XRCC6: variants seen among roughly 807,000 people sequenced by gnomAD.
The protein encoded by XRCC6 is DNA repair protein Ku70.
In XRCC6, 5 loss-of-function variants were observed where a neutral mutation model predicts 65.7. The ratio of observed to expected loss-of-function variants is 0.08; its 90% confidence interval spans 0.04 to 0.16. The LOEUF (loss-of-function observed/expected upper bound fraction) is 0.16, where lower values mean the gene tolerates loss of function less well. XRCC6 is among the 10% of genes least tolerant of loss of function. XRCC6 has a pLI of 1.00. For synonymous variants in XRCC6, 270 were observed against 270.6 expected (o/e 1.00, Z 0.02); for missense variants, 447 against 738.1 (o/e 0.61, Z 4.57).
chr22:41,623,483 G>T (rs1353107970), intron 2 of XRCC6, among the ~76,000 whole-genome samples: 1 of 151,860 alleles, frequency 6.6e-6, no homozygotes, highest in Non-Finnish European at 1.5e-5. Context: ...CGCCTCCCGG[G>T]TTCATGCCAT....
At chr22:41,652,331 G>A (rs1348192596) in intron 8 of XRCC6, among the ~76,000 whole-genome samples, 5 of 151,292 alleles carry the variant, frequency 3.3e-5, no homozygotes, top group African/African-American at 1.2e-4. Context: ...CATTAACCTA[G>A]TGTCAGTAAA....
intron 7 of XRCC6, among the ~76,000 whole-genome samples, chr22:41,649,162 A>ATATATATATATG (rs1395474507): frequency 7.3e-6 from 1 of 137,750 alleles, no homozygotes; most frequent in Non-Finnish European, 1.5e-5. Context: ...ATATATATAT[A>ATATATATATATG]TGTATGTATG....
Position 41,657,600 on chromosome 22 carries a change from C to T in XRCC6, c.1421+568C>T, listed in dbSNP as rs368164068. Among the ~76,000 whole-genome samples the T allele has an allele frequency of 1.2e-3, 184 of 151,530 alleles. 1 individual carries two copies. Among genetic ancestry groups the T allele is most frequent in the African/African-American group, 4.2e-3 (174 of 41,306 alleles). The stretch of plus-strand genomic sequence containing the variant: ...GTGGTGTTACTGTAGTTCACTGCAG[C>T]CTTGACCTCCCTGGGCTCAGGTGAT... On this transcript the variant is annotated intron_variant, in intron 10 of 12. Coordinates refer to ENST00000360079, the MANE Select transcript of XRCC6 (RefSeq NM_001469.5).
rs189941715 is a variant in XRCC6, at chr22:41,649,781, G to C, written c.961-942G>C. ...GAGGCAGGAGAATGGCGTGAACCCC[G>C]GTGGGTGGAGCCTGCAGTGAGCCGA... On this transcript the variant is annotated intron_variant, in intron 7 of 12. Coordinates refer to ENST00000360079, the MANE Select transcript of XRCC6 (RefSeq NM_001469.5). Among the ~76,000 whole-genome samples, 481 of 151,792 alleles carry C rather than the reference G, an allele frequency of 3.2e-3. 3 individuals carry two copies. The highest frequency in any genetic ancestry group is 0.024 in the Middle Eastern group (7 of 292).
chr22:41,622,452 A>G (rs1308555536), intron 2 of XRCC6, among the ~76,000 whole-genome samples: 2 of 152,132 alleles, frequency 1.3e-5, no homozygotes, highest in African/African-American at 4.8e-5. Context: ...CAATAACTAC[A>G]CCAACCAAAG....
chr22:41,640,694 G>T (rs1418852038), intron 6 of XRCC6, among the ~76,000 whole-genome samples: 1 of 152,148 alleles, frequency 6.6e-6, no homozygotes, highest in Non-Finnish European at 1.5e-5. Flanking sequence ...TTTTGTCATT[G>T]TTCTCCTTTT....
chr22:41,636,824 T>C (rs2147083704), intron 5 of XRCC6, 54 bp downstream of exon 5: 2 of 1,562,610 alleles, frequency 1.3e-6, no homozygotes, highest in Non-Finnish European at 1.7e-6. Context: ...GTTTTTTTAT[T>C]TTTTATTTTT....
chr22:41,653,808 CT>C, intron 9 of XRCC6, 118 bp downstream of exon 9: 3 of 1,293,122 alleles, frequency 2.3e-6, no homozygotes, highest in Non-Finnish European at 3.1e-6. Context: ...TTAAAAATGT[CT>C]ATTTTTAAGC....
chr22:41,629,644 TTG>T (rs965085806), intron 3 of XRCC6, among the ~76,000 whole-genome samples: 2 of 151,722 alleles, frequency 1.3e-5, no homozygotes. Context: ...TTGTGAATGT[TTG>T]TGTGTGTATT....
In XRCC6 at chr22:41,661,407, T is replaced by C. The variant is rs747262456; in HGVS notation, c.1599T>C (p.Asp533=). ...DEFKELVYPP[D]YNPEGKVTKR... is the part of the protein sequence containing the mutation. ...TTAAGGAGCTTGTTTACCCACCAGA[T>C]TACAATCCTGAAGGGAAAGTTACCA... Residue 533 remains aspartate, a synonymous_variant, in exon 12 of 13, where the codon GAT becomes GAC. Transcript: ENST00000360079. 6.2e-7 allele frequency: 1 copy of C among 1,614,124 alleles called. No individual in the cohort carries two copies. The highest frequency in any genetic ancestry group is 1.1e-5 in the South Asian group (1 of 91,070).
At chr22:41,655,585 C>T (rs891117538) in intron 9 of XRCC6, among the ~76,000 whole-genome samples, 3 of 151,922 alleles carry the variant, frequency 2.0e-5, no homozygotes, top group South Asian at 4.2e-4. Flanking sequence ...TCCTGTAGTC[C>T]CAGCTACTTG....
intron 6 of XRCC6, among the ~76,000 whole-genome samples, chr22:41,645,971 G>T (rs189240028): frequency 3.1e-4 from 47 of 151,916 alleles, no homozygotes; most frequent in East Asian, 1.6e-3. Flanking sequence ...CGGCATGATG[G>T]GTCTTTATTC....
intron 7 of XRCC6, among the ~76,000 whole-genome samples, chr22:41,649,974 C>G (rs1437889124): frequency 1.3e-5 from 2 of 152,020 alleles, no homozygotes; most frequent in African/African-American, 2.4e-5. Context: ...TGCCGTGAGT[C>G]GAGATTGCGC....
At chr22:41,645,151 A>G (rs1000706370) in intron 6 of XRCC6, among the ~76,000 whole-genome samples, 2 of 151,800 alleles carry the variant, frequency 1.3e-5, no homozygotes, top group Admixed American at 1.3e-4. Context: ...AAAATACAAA[A>G]TTAGCCTGGT....
chr22:41,658,668 C>T (rs532106244), intron 11 of XRCC6, among the ~76,000 whole-genome samples: 25 of 152,350 alleles, frequency 1.6e-4, no homozygotes, highest in African/African-American at 5.8e-4. Context: ...GTAATCCCAG[C>T]ACTTTGGGAG....
chr22:41,650,003 G>A (rs888483008), intron 7 of XRCC6, among the ~76,000 whole-genome samples: 17 of 152,112 alleles, frequency 1.1e-4, no homozygotes, highest in African/African-American at 4.1e-4. Context: ...GCCAGTGACA[G>A]TGTGACAGAC....
intron 3 of XRCC6, among the ~76,000 whole-genome samples, chr22:41,635,289 A>G (rs2067797376): frequency 6.6e-6 from 1 of 152,030 alleles, no homozygotes; most frequent in Admixed American, 6.6e-5. Context: ...TTGAAACGGG[A>G]ATTTCTTTGT....
chr22:41,633,505 T>A (rs2067778506), intron 3 of XRCC6, among the ~76,000 whole-genome samples: 1 of 151,776 alleles, frequency 6.6e-6, no homozygotes, highest in African/African-American at 2.4e-5. Flanking sequence ...GCCTCCTGAG[T>A]AGCTGGGACT....
At chr22:41,649,139 A>AAATATATATATATATATATATAT in intron 7 of XRCC6, among the ~76,000 whole-genome samples, 1 of 88,736 alleles carries the variant, frequency 1.1e-5, no homozygotes, top group African/African-American at 4.6e-5. Context: ...AAAAAAAAAA[A>AAATATATATATATATATATATAT]ATATATATAT....
Sources: gnomAD v4.1 joint callset for allele counts (sites outside exome capture counted in the v4.1 genomes callset) on GRCh38, gnomAD v4.1.1 for gene constraint, MANE v1.5 for transcripts, NCBI Gene and HGNC (gene_info 2026-07-23, HGNC 2026-07-21) for gene names.